Variants in TNFRSF13B observed in about 807,000 individuals in gnomAD.
The protein encoded by TNFRSF13B is TNF receptor superfamily member 13B.
Under a neutral mutation model 24.0 loss-of-function variants are expected in TNFRSF13B, and 34 were observed. The ratio of observed to expected loss-of-function variants is 1.41; its 90% CI spans 1.08 to 1.88. The LOEUF is 1.88. TNFRSF13B is among the 40% of genes most tolerant of loss of function. The pLI is 0.00. For synonymous variants in TNFRSF13B, 173 were observed against 150.3 expected (o/e 1.15, Z -1.10); for missense variants, 415 against 380.8 (o/e 1.09, Z -0.75).
chr17:16,964,605 T>G (rs1052838563), intron 1 of TNFRSF13B, among the ~76,000 whole-genome samples: 10 of 152,280 alleles, frequency 6.6e-5, no homozygotes, highest in Non-Finnish European at 2.9e-5. Flanking sequence ...CCTCCCAAAG[T>G]GCTGGGATTA....
chr17:16,948,607 C>G (rs984519332), intron 3 of TNFRSF13B, 131 bp downstream of exon 3: 50 of 1,306,280 alleles, frequency 3.8e-5, no homozygotes, highest in East Asian at 7.0e-5. Flanking sequence ...GATGATCTCC[C>G]TGGCTTCTGG....
intron 1 of TNFRSF13B, among the ~76,000 whole-genome samples, chr17:16,966,126 C>T (rs8182268): frequency 0.15 from 23,228 of 151,700 alleles, 2,171 homozygotes; most frequent in East Asian, 0.44. Context: ...TGGTGGTGTG[C>T]GCCTGTAATC....
chr17:16,969,760 C>T (rs1288324653), intron 1 of TNFRSF13B, among the ~76,000 whole-genome samples: 1 of 152,130 alleles, frequency 6.6e-6, no homozygotes, highest in Non-Finnish European at 1.5e-5. Flanking sequence ...AAAAGACTTT[C>T]TATTATATAT....
intron 1 of TNFRSF13B, among the ~76,000 whole-genome samples, 174 bp downstream of exon 1, chr17:16,971,841 G>A (rs972062020): frequency 6.6e-6 from 1 of 152,248 alleles, no homozygotes; most frequent in African/African-American, 2.4e-5. Context: ...CATCCCAGAG[G>A]CATCCAGACT....
At chr17:16,947,616 A>T (rs1352639583) in intron 3 of TNFRSF13B, among the ~76,000 whole-genome samples, 2 of 152,254 alleles carry the variant, frequency 1.3e-5, no homozygotes, top group Non-Finnish European at 2.9e-5. Context: ...ATCACTGATC[A>T]TCAGAGAAAT....
chr17:16,940,800 T>C, intron 3 of TNFRSF13B: 1 of 1,346,624 alleles, frequency 7.4e-7, no homozygotes, highest in African/African-American at 1.5e-5. Context: ...GCGCTGGAGA[T>C]GGGCTGATGG....
At chr17:16,948,599 T>C (rs1212291487) in intron 3 of TNFRSF13B, 139 bp downstream of exon 3, 2 of 1,217,124 alleles carry the variant, frequency 1.6e-6, no homozygotes, top group Non-Finnish European at 2.4e-6. Context: ...TATCCTGGGA[T>C]GATCTCCCTG....
At chr17:16,943,483 T>C (rs10852841) in intron 3 of TNFRSF13B, among the ~76,000 whole-genome samples, 77,947 of 151,930 alleles carry the variant, frequency 0.51, 20,759 homozygotes, top group East Asian at 0.81. Context: ...TGCACTGTCC[T>C]TCTGTCCCCC....
chr17:16,968,393 C>G (rs955086357), intron 1 of TNFRSF13B, among the ~76,000 whole-genome samples: 6 of 151,974 alleles, frequency 3.9e-5, no homozygotes, highest in African/African-American at 1.2e-4. Flanking sequence ...AATTGAGAGC[C>G]CAAAAATAAA....
Position 16,939,469 on chromosome 17 carries a change from C to G in TNFRSF13B, c.*78G>C, listed in dbSNP as rs2087490338. 33 of 1,488,536 alleles carry G rather than the reference C, an allele frequency of 2.2e-5. No individual in the cohort carries two copies. Among genetic ancestry groups the G allele is most frequent in the Non-Finnish European group, 3.0e-5 (33 of 1,101,946 alleles). The allele number at this position is 1,488,536 out of a possible 1,614,324, so 92.2% of individuals were successfully genotyped here. A position where few individuals can be genotyped will look rare whatever the true frequency, so the allele number is the denominator to read the frequency against. ...TCTGTCTCTCTCTCCTCATATCTCT[C>G]TCCCCTCTCCCCACCTCTCTTTCTC... On this transcript the variant is annotated 3_prime_UTR_variant, in exon 5 of 5. Transcript: ENST00000261652.
chr17:16,940,898 T>C, intron 3 of TNFRSF13B: 7 of 1,135,188 alleles, frequency 6.2e-6, no homozygotes, highest in Non-Finnish European at 7.6e-6. Flanking sequence ...GAAAGCTTCC[T>C]GAGTGAGCGT....
intron 3 of TNFRSF13B, among the ~76,000 whole-genome samples, chr17:16,941,928 C>T (rs144739074): frequency 8.1e-4 from 123 of 152,286 alleles, no homozygotes; most frequent in African/African-American, 2.3e-3. Flanking sequence ...CATGTCCTGC[C>T]GTGCTGTGTA....
chr17:16,949,343 T>C (rs1216429024), intron 2 of TNFRSF13B, among the ~76,000 whole-genome samples: 1 of 152,198 alleles, frequency 6.6e-6, no homozygotes, highest in African/African-American at 2.4e-5. Flanking sequence ...GATTACATTG[T>C]TACATAAGAC....
At chr17:16,969,972 G>A (rs992959697) in intron 1 of TNFRSF13B, among the ~76,000 whole-genome samples, 5 of 152,158 alleles carry the variant, frequency 3.3e-5, no homozygotes, top group Non-Finnish European at 7.3e-5. Flanking sequence ...GACGTTCTAT[G>A]TGACAAGGGC....
chr17:16,957,121 ACT>A (rs755508911), intron 1 of TNFRSF13B, among the ~76,000 whole-genome samples: 1 of 149,726 alleles, frequency 6.7e-6, no homozygotes, highest in Non-Finnish European at 1.5e-5. Flanking sequence ...GGATGTGGGA[ACT>A]CTCTGTACTT....
Position 16,939,303 on chromosome 17 carries a change from C to G in TNFRSF13B, c.*244G>C, listed in dbSNP as rs2087487668. 5 of 503,226 alleles carry G rather than the reference C, an allele frequency of 9.9e-6. No individual in the cohort carries two copies. In the South Asian group the frequency reaches 1.2e-4, roughly 12 times the overall value. 31.2% of individuals were successfully genotyped at this position (503,226 alleles called of 1,614,324 possible). On this transcript the variant is annotated 3_prime_UTR_variant, in exon 5 of 5. Coordinates refer to ENST00000261652, the MANE Select transcript of TNFRSF13B (RefSeq NM_012452.3). ...TGCCTCTCTCCCTCTCTGCCTCTCT[C>G]CCTCTCTGCCTCTCTCCTTCTCTGC...
intron 3 of TNFRSF13B, among the ~76,000 whole-genome samples, chr17:16,944,709 C>T (rs2087535509): frequency 6.6e-6 from 1 of 152,200 alleles, no homozygotes; most frequent in South Asian, 2.1e-4. Context: ...CCCCACTCCC[C>T]ATGCACAGCA....
Position 16,939,881 on chromosome 17 carries a change from C to G in TNFRSF13B, c.632-84G>C, listed in dbSNP as rs573841223. 7,882 of 1,466,066 alleles carry G rather than the reference C, an allele frequency of 5.4e-3. 41 individuals carry two copies. Among genetic ancestry groups the G allele is most frequent in the Non-Finnish European group, 5.7e-3 (6,334 of 1,110,420 alleles). The allele number at this position is 1,466,066 out of a possible 1,614,324, so 90.8% of individuals were successfully genotyped here. On this transcript the variant is annotated intron_variant, in intron 4 of 4. Coordinates refer to ENST00000261652, the MANE Select transcript of TNFRSF13B (RefSeq NM_012452.3). ...GACGGTGTGGGCAGCCGCACTCTCC[C>G]CCGACCCAGGAGCTAAGGGCAATCA... is the stretch of plus-strand genomic sequence containing the variant.
chr17:16,946,241 C>A (rs1018938846), intron 3 of TNFRSF13B, among the ~76,000 whole-genome samples: 2 of 152,212 alleles, frequency 1.3e-5, no homozygotes, highest in Non-Finnish European at 2.9e-5. Flanking sequence ...TGGGACCTGG[C>A]CTCATGGAAA....
Sources: allele counts gnomAD v4.1 joint callset (sites outside exome capture counted in the v4.1 genomes callset), GRCh38; gene constraint gnomAD v4.1.1; transcripts MANE v1.5; gene names NCBI Gene and HGNC (gene_info 2026-07-23, HGNC 2026-07-21).